SLC24A2: variants seen among roughly 807,000 people sequenced by gnomAD.
SLC24A2 encodes the protein solute carrier family 24 member 2, also known as sodium/potassium/calcium exchanger 2.
In SLC24A2, 36 loss-of-function variants were observed where a neutral mutation model predicts 62.0. The ratio of observed to expected loss-of-function variants is 0.58; its 90% confidence interval spans 0.44 to 0.77. SLC24A2 has a LOEUF of 0.77. Ranked by LOEUF, SLC24A2 falls within the 30% of genes least tolerant of loss-of-function variation. The pLI is 0.00. For synonymous variants in SLC24A2, 358 were observed against 294.0 expected (o/e 1.22, Z -2.23); for missense variants, 846 against 817.9 (o/e 1.03, Z -0.42).
At chr9:20,305,907 T>C in the SLC24A2 span, among the ~76,000 whole-genome samples, 2 of 152,154 alleles carry the variant, frequency 1.3e-5, no homozygotes, top group South Asian at 4.1e-4. Flanking sequence ...CAGAGGCCTC[T>C]CTCCTTGACT....
At chr9:20,293,404 C>T in the SLC24A2 span, among the ~76,000 whole-genome samples, 1 of 152,170 alleles carries the variant, frequency 6.6e-6, no homozygotes, top group Non-Finnish European at 1.5e-5. Context: ...AGGAATTTCT[C>T]AGGGAGGCAG....
chr9:20,159,799 C>A, the SLC24A2 span, among the ~76,000 whole-genome samples: 1 of 151,368 alleles, frequency 6.6e-6, no homozygotes, highest in Admixed American at 6.6e-5. Context: ...AACAAAAATA[C>A]AAGTAGTATT....
chr9:19,526,111 C>A (rs1428827411), intron 9 of SLC24A2, among the ~76,000 whole-genome samples: 1 of 152,096 alleles, frequency 6.6e-6, no homozygotes, highest in African/African-American at 2.4e-5. Context: ...TATGATGTGT[C>A]CTTTTGTAAC....
At chr9:19,893,923 G>T in the SLC24A2 span, among the ~76,000 whole-genome samples, 1 of 152,156 alleles carries the variant, frequency 6.6e-6, no homozygotes. Flanking sequence ...TCTCTAGTAG[G>T]AGGAAACAAA....
chr9:19,614,199 T>C (rs949003851), intron 4 of SLC24A2, among the ~76,000 whole-genome samples: 6 of 152,204 alleles, frequency 3.9e-5, no homozygotes, highest in Admixed American at 3.9e-4. Context: ...ATTAGAAAGA[T>C]CAATTCAGAT....
At chr9:20,194,204 C>T in the SLC24A2 span, among the ~76,000 whole-genome samples, 1 of 151,810 alleles carries the variant, frequency 6.6e-6, no homozygotes, top group African/African-American at 2.4e-5. Flanking sequence ...TCATGAAAAC[C>T]AGAAATCAAA....
chr9:19,513,156 A>ATATATATATATATATG lies in SLC24A2; in HGVS notation c.*2996_*2997insCATATATATATATATA, dbSNP rs1832782410. The stretch of plus-strand genomic sequence containing the variant: ...GTACATATAGATCTGGTATAAAGAT[A>ATATATATATATATATG]TATATATATATATATATATGTATAT... On this transcript the variant is annotated 3_prime_UTR_variant, in exon 11 of 11. Coordinates refer to ENST00000341998, the MANE Select transcript of SLC24A2 (RefSeq NM_020344.4). 2 of 57,742 alleles carry ATATATATATATATATG rather than the reference A, an allele frequency of 3.5e-5. No homozygotes were observed. The highest frequency in any genetic ancestry group is 1.3e-4 in the African/African-American group (2 of 15,608). The allele number at this position is 57,742 out of a possible 1,614,324, so 3.6% of individuals were successfully genotyped here.
the SLC24A2 span, among the ~76,000 whole-genome samples, chr9:20,196,736 A>G: frequency 2.0e-5 from 3 of 152,202 alleles, no homozygotes; most frequent in East Asian, 5.8e-4. Flanking sequence ...TTTTAAAATA[A>G]CTTTATTTTC....
At chr9:20,129,928 T>TAC in the SLC24A2 span, among the ~76,000 whole-genome samples, 3,397 of 141,890 alleles carry the variant, frequency 0.024, 80 homozygotes, top group African/African-American at 0.054. Context: ...TATAATTTAC[T>TAC]ACACACACAC....
intron 2 of SLC24A2, among the ~76,000 whole-genome samples, chr9:19,673,592 G>T (rs902913491): frequency 5.3e-5 from 8 of 152,142 alleles, no homozygotes; most frequent in Admixed American, 2.0e-4. Context: ...GGGATTACAG[G>T]TGTGCACCAC....
chr9:20,134,351 C>T, the SLC24A2 span, among the ~76,000 whole-genome samples: 1 of 151,890 alleles, frequency 6.6e-6, no homozygotes, highest in African/African-American at 2.4e-5. Context: ...GGAGGGTTTC[C>T]CTTAAAAAAC....
the SLC24A2 span, among the ~76,000 whole-genome samples, chr9:19,821,930 TA>T: frequency 1.3e-5 from 2 of 152,142 alleles, no homozygotes; most frequent in East Asian, 1.9e-4. Context: ...GGACTGTTAA[TA>T]AAAAAAGAAT....
chr9:19,721,485 C>T (rs897433413), intron 2 of SLC24A2, among the ~76,000 whole-genome samples: 11 of 152,072 alleles, frequency 7.2e-5, no homozygotes, highest in African/African-American at 2.2e-4. Context: ...TCCAATATAA[C>T]TAAACATTAA....
chr9:20,072,839 G>A, the SLC24A2 span, among the ~76,000 whole-genome samples: 1 of 152,094 alleles, frequency 6.6e-6, no homozygotes, highest in Non-Finnish European at 1.5e-5. Flanking sequence ...TCAGAAGGAA[G>A]CAGACCCGCT....
At chr9:19,822,497 T>C in the SLC24A2 span, among the ~76,000 whole-genome samples, 1 of 152,184 alleles carries the variant, frequency 6.6e-6, no homozygotes, top group African/African-American at 2.4e-5. Flanking sequence ...CATCTTTTCT[T>C]GATGCAAAAT....
chr9:20,142,960 G>A, the SLC24A2 span, among the ~76,000 whole-genome samples: 13 of 152,086 alleles, frequency 8.5e-5, no homozygotes, highest in African/African-American at 2.7e-4. Context: ...GGCCATGCTC[G>A]CTCCATTCAA....
chr9:19,593,832 C>G (rs1335705846), intron 5 of SLC24A2, among the ~76,000 whole-genome samples: 1 of 152,136 alleles, frequency 6.6e-6, no homozygotes, highest in Non-Finnish European at 1.5e-5. Flanking sequence ...ACAAATTAGT[C>G]TGCTTCTCTG....
At chr9:19,960,519 G>A in the SLC24A2 span, among the ~76,000 whole-genome samples, 1 of 152,132 alleles carries the variant, frequency 6.6e-6, no homozygotes, top group Non-Finnish European at 1.5e-5. Flanking sequence ...GCTATTGTGT[G>A]GGCTAAAGCA....
chr9:19,586,629 G>A (rs61308739), intron 5 of SLC24A2, among the ~76,000 whole-genome samples: 2,068 of 152,046 alleles, frequency 0.014, 47 homozygotes, highest in African/African-American at 0.048. Flanking sequence ...GAGTTCAGAT[G>A]TAATTGGCAT....
Sources: gnomAD v4.1 joint callset for allele counts (sites outside exome capture counted in the v4.1 genomes callset) on GRCh38, gnomAD v4.1.1 for gene constraint, MANE v1.5 for transcripts, NCBI Gene and HGNC (gene_info 2026-07-23, HGNC 2026-07-21) for gene names.